MICAL3: variants seen among roughly 807,000 people sequenced by gnomAD.
The protein encoded by MICAL3 is [F-actin]-monooxygenase MICAL3.
Under a neutral mutation model 207.4 loss-of-function variants are expected in MICAL3, and 62 were observed. The observed-to-expected ratio is 0.30, with a 90% CI of 0.24 to 0.37. MICAL3 has a LOEUF of 0.37. MICAL3 is among the 10% of genes least tolerant of loss of function. MICAL3 has a pLI of 1.00. For synonymous variants in MICAL3, 1,077 were observed against 1,069.3 expected, an observed-to-expected ratio of 1.01 and a Z score of -0.14; for missense variants, 2,368 against 2,635.6, an observed-to-expected ratio of 0.90 and a Z score of 2.22.
intron 16 of MICAL3, among the ~76,000 whole-genome samples, chr22:17,877,179 AGGGAAG>A (rs1283914637): frequency 3.4e-5 from 4 of 119,370 alleles, no homozygotes; most frequent in African/African-American, 3.7e-5. Flanking sequence ...TAGGGAGGTT[AGGGAAG>A]TTATGGAGGT....
At chr22:17,800,701 A>G (rs1013109587) in intron 29 of MICAL3, among the ~76,000 whole-genome samples, 4 of 152,084 alleles carry the variant, frequency 2.6e-5, no homozygotes, top group African/African-American at 9.7e-5. Flanking sequence ...CATGGGAGAA[A>G]TGAGACGGGT....
intron 1 of MICAL3, among the ~76,000 whole-genome samples, chr22:17,982,769 GTAAAA>G (rs138986038): frequency 0.028 from 4,119 of 148,524 alleles, 148 homozygotes; most frequent in African/African-American, 0.083. Context: ...GTAAAATAAA[GTAAAA>G]TAAAATAAAA....
intron 1 of MICAL3, among the ~76,000 whole-genome samples, chr22:17,962,168 C>T (rs908917879): frequency 6.6e-6 from 1 of 152,134 alleles, no homozygotes; most frequent in Admixed American, 6.5e-5. Context: ...GAGAGGAAAG[C>T]GAGACATCAT....
At chr22:17,897,730 G>A (rs2146249372) in intron 7 of MICAL3, among the ~76,000 whole-genome samples, 1 of 152,296 alleles carries the variant, frequency 6.6e-6, no homozygotes, top group South Asian at 2.1e-4. Context: ...AAGCTTGAGT[G>A]CCAAAAAGAC....
intron 1 of MICAL3, among the ~76,000 whole-genome samples, chr22:17,927,531 G>C (rs73388442): frequency 0.026 from 4,002 of 152,054 alleles, 184 homozygotes; most frequent in African/African-American, 0.093. Flanking sequence ...GCTAACCTTG[G>C]GGCTGCAGGT....
At chr22:17,873,288 G>A (rs929400676) in intron 16 of MICAL3, among the ~76,000 whole-genome samples, 3 of 152,212 alleles carry the variant, frequency 2.0e-5, no homozygotes, top group South Asian at 4.1e-4. Context: ...TGCCTTTCAC[G>A]GTCCAGGAGG....
intron 1 of MICAL3, among the ~76,000 whole-genome samples, chr22:18,013,621 G>C (rs1293985441): frequency 1.3e-5 from 2 of 152,226 alleles, no homozygotes; most frequent in African/African-American, 4.8e-5. Flanking sequence ...GTTGAGGGTG[G>C]ATGGAGGTGA....
At position 17,921,154 on chromosome 22, in the gene MICAL3, T is replaced by C. The variant is rs77955558; in HGVS notation, c.-74-14268A>G. 8.6e-3 allele frequency among the ~76,000 whole-genome samples: 1,303 copies of C among 152,318 alleles called. 19 individuals are homozygous for C. Among genetic ancestry groups the C allele is most frequent in the African/African-American group, 0.029 (1,218 of 41,572 alleles). ...GGACATAAGACAGAACTCAAAGTCA[T>C]CTCTCTGCCCACCTGTGACAAAGGC... On this transcript the variant is annotated intron_variant, in intron 1 of 31. Transcript: ENST00000441493.
At chr22:17,838,206 C>T (rs1923603416) in intron 20 of MICAL3, among the ~76,000 whole-genome samples, 1 of 152,210 alleles carries the variant, frequency 6.6e-6, no homozygotes, top group Non-Finnish European at 1.5e-5. Flanking sequence ...TGGACCACAG[C>T]ATCACCTGGG....
chr22:18,022,225 G>T (rs767941395), intron 1 of MICAL3, among the ~76,000 whole-genome samples: 1 of 152,118 alleles, frequency 6.6e-6, no homozygotes, highest in African/African-American at 2.4e-5. Flanking sequence ...GTCTGCAACA[G>T]TACCTGTGGG....
intron 19 of MICAL3, chr22:17,842,272 G>C: frequency 1.9e-6 from 1 of 535,054 alleles, no homozygotes; most frequent in Non-Finnish European, 3.4e-6. Context: ...CCCTGAACCC[G>C]GCCCCCAGAG....
chr22:17,992,689 G>A (rs1403487228), intron 1 of MICAL3, among the ~76,000 whole-genome samples: 1 of 152,136 alleles, frequency 6.6e-6, no homozygotes, highest in Admixed American at 6.5e-5. Context: ...CTAGCACGGT[G>A]CTCACTAAAC....
intron 1 of MICAL3, among the ~76,000 whole-genome samples, chr22:17,949,365 T>A (rs561625580): frequency 6.6e-6 from 1 of 152,310 alleles, no homozygotes; most frequent in South Asian, 2.1e-4. Context: ...CATTTTATCT[T>A]CCGAGCAACA....
In MICAL3 at chr22:17,900,471, G is replaced by A. The variant is rs950021664; in HGVS notation, c.847+371C>T. Reference sequence around the variant, plus strand: ...CGAAAAATTAGCCAGGCATGGTGGAGCTTGCCTGTAGTCCCAGCTACTCAG... The same window carrying A: ...CGAAAAATTAGCCAGGCATGGTGGAACTTGCCTGTAGTCCCAGCTACTCAG... On this transcript the variant is annotated intron_variant, in intron 6 of 31. Coordinates refer to ENST00000441493, the MANE Select transcript of MICAL3 (RefSeq NM_015241.3). This position sits in a 1 kb window ranked among gnomAD's most constrained non-coding sequence, Gnocchi z 4.0. 2.6e-5 allele frequency among the ~76,000 whole-genome samples: 4 copies of A among 152,100 alleles called. No homozygotes were observed. The highest frequency in any genetic ancestry group is 4.4e-5 in the Non-Finnish European group (3 of 68,014).
intron 29 of MICAL3, among the ~76,000 whole-genome samples, chr22:17,797,820 G>T (rs1015876661): frequency 6.6e-6 from 1 of 152,258 alleles, no homozygotes; most frequent in Non-Finnish European, 1.5e-5. Flanking sequence ...GCCAGCAGAG[G>T]ACGCAGAGGT....
At chr22:17,858,403 G>C (rs1279695265) in intron 19 of MICAL3, 2 of 922,536 alleles carry the variant, frequency 2.2e-6, no homozygotes, top group Non-Finnish European at 2.6e-6. Context: ...TGCAAGGTAA[G>C]GGCTGGTTTT....
chr22:17,854,031 C>T (rs1325984999), intron 19 of MICAL3, among the ~76,000 whole-genome samples: 1 of 152,180 alleles, frequency 6.6e-6, no homozygotes, highest in African/African-American at 2.4e-5. Context: ...TTCTGATTCT[C>T]ACCATCCTCT....
At chr22:18,001,517 T>C (rs1018773881) in intron 1 of MICAL3, 5 of 151,744 alleles carry the variant, frequency 3.3e-5, no homozygotes, top group African/African-American at 1.2e-4. Flanking sequence ...AGCCGGGGGA[T>C]GGGCGGGCAC....
rs372201687 is a variant in MICAL3, at chr22:17,889,261, G to A, written c.1695-31C>T. ...AAACAGGACAAGGAAAACATATCAA[G>A]ATAGGTTGACAGTCCTTAAACAGAA... On this transcript the variant is annotated intron_variant, in intron 12 of 31. Transcript: ENST00000441493. 4.3e-5 allele frequency: 66 copies of A among 1,535,118 alleles called. No homozygotes were observed. In the African/African-American group the frequency reaches 9.0e-4, roughly 21 times the overall value.
Sources: gnomAD v4.1 joint callset for allele counts (sites outside exome capture counted in the v4.1 genomes callset) on GRCh38, gnomAD v4.1.1 for gene constraint, Gnocchi (gnomAD v3.1) non-coding constraint, MANE v1.5 for transcripts, NCBI Gene and HGNC (gene_info 2026-07-23, HGNC 2026-07-21) for gene names.